Variants in SLC12A5 observed in about 807,000 individuals in gnomAD.
SLC12A5 encodes solute carrier family 12 member 5, also known as K-Cl cotransporter 2.
SLC12A5 carries 18 observed loss-of-function variants against 124.0 expected under a neutral mutation model. The ratio of observed to expected loss-of-function variants is 0.15; its 90% CI spans 0.10 to 0.22. SLC12A5 has a LOEUF of 0.22. Among genes scored for constraint, SLC12A5 ranks in the 10% least tolerant of loss-of-function variants. The pLI is 1.00. For synonymous variants in SLC12A5, 589 were observed against 568.0 expected, an observed-to-expected ratio of 1.04 and a Z score of -0.53; for missense variants, 867 against 1,478.7, an observed-to-expected ratio of 0.59 and a Z score of 6.78.
chr20:46,022,047 G>A, intron 1 of SLC12A5: 5 of 912,076 alleles, frequency 5.5e-6, no homozygotes, highest in Non-Finnish European at 7.6e-6. Flanking sequence ...GGAAACCAAG[G>A]GGCCGGGGCC....
At position 46,059,604 on chromosome 20, in the gene SLC12A5, C is replaced by G. The variant is rs1007277666; in HGVS notation, c.*1999C>G. ...GTTGCACTATCTGGGCCCAGATTGT[C>G]TGGTTGGCAAGAGCAAAGTTTCCGT... is the stretch of plus-strand genomic sequence containing the variant. On this transcript the variant is annotated 3_prime_UTR_variant, in exon 26 of 26. Coordinates refer to ENST00000243964, the MANE Select transcript of SLC12A5 (RefSeq NM_020708.5). The G allele has an allele frequency of 5.0e-6, 2 of 398,956 alleles. No homozygotes were observed. Among genetic ancestry groups the G allele is most frequent in the African/African-American group, 4.1e-5 (2 of 48,638 alleles). The allele number at this position is 398,956 out of a possible 1,614,324, so 24.7% of individuals were successfully genotyped here. A position where few individuals can be genotyped will look rare whatever the true frequency, so the allele number is the denominator to read the frequency against.
exon 1 of SLC12A5, chr20:46,021,881 T>G (rs759067394): frequency 6.6e-7 from 1 of 1,525,824 alleles, no homozygotes; most frequent in East Asian, 2.5e-5. Flanking sequence ...GGGGAAGACG[T>G]CAAAGGTAGA....
chr20:46,035,723 T>A (rs1449164295), intron 3 of SLC12A5, 54 bp from the exon 4 acceptor site: 1 of 1,575,714 alleles, frequency 6.3e-7, no homozygotes. Context: ...GGAGCACACC[T>A]GGGGTGTTCG....
rs1210104106 is a variant in SLC12A5, at chr20:46,043,655, C to A, written c.1260C>A (p.Arg420=). The change falls in exon 10 of 26, where the codon CGC becomes CGA. Residue 420 remains arginine (R), a synonymous_variant. Coordinates refer to ENST00000243964, the MANE Select transcript of SLC12A5 (RefSeq NM_020708.5). Reference sequence around the variant, plus strand: ...CAGGGATCATGGCTGGTTCTAACCGCTCTGGGGACCTGAGGGATGCCCAGA... The same window carrying A: ...CAGGGATCATGGCTGGTTCTAACCGATCTGGGGACCTGAGGGATGCCCAGA... ...SVTGIMAGSN[R]SGDLRDAQKS... 6.2e-7 allele frequency: 1 copy of A among 1,614,218 alleles called. No individual in the cohort carries two copies. Among genetic ancestry groups the A allele is most frequent in the Admixed American group, 1.7e-5 (1 of 60,028 alleles).
Position 46,037,338 on chromosome 20 carries a change from A to G in SLC12A5, c.565A>G (p.Thr189Ala). ...AVGLCFYLGTTFAGAMYILGT... is the reference protein window; with the variant it reads ...AVGLCFYLGTAFAGAMYILGT... ...GGGCCTCTGCTTCTACCTGGGCACT[A>G]CCTTTGCAGGAGCCATGTACATCCT... The change falls in exon 6 of 26, where the codon ACC becomes GCC. Residue 189 changes from threonine to alanine, a missense_variant. Thr to Ala is a moderately conservative substitution (Grantham distance 58). Coordinates refer to ENST00000243964, the MANE Select transcript of SLC12A5 (RefSeq NM_020708.5). 1.2e-6 allele frequency: 2 copies of G among 1,613,144 alleles called. No homozygotes were observed. Among genetic ancestry groups the G allele is most frequent in the Non-Finnish European group, 1.7e-6 (2 of 1,179,480 alleles).
In SLC12A5 at chr20:46,041,390, G is replaced by T; in HGVS notation, c.916G>T (p.Ala306Ser). ...TGGCTTTGATGTCTGTGCCAAGCTG[G>T]CTTGGGAAGGAAATGAGACGGTGAC... ...RHGFDVCAKL[A>S]WEGNETVTTR... The change falls in exon 8 of 26, where the codon GCT (alanine) becomes TCT (serine). Residue 306 changes from alanine to serine, a missense_variant. By Grantham distance (99) the Ala-to-Ser change is moderately conservative. Around this residue, in one of 9 missense-constraint regions of SLC12A5, gnomAD observed 127 missense variants for 164.1 expected, o/e 0.77. Transcript: ENST00000243964. 1.2e-6 allele frequency: 2 copies of T among 1,614,160 alleles called. No homozygotes were observed. Among genetic ancestry groups the T allele is most frequent in the Non-Finnish European group, 8.5e-7 (1 of 1,180,024 alleles).
intron 8 of SLC12A5, among the ~76,000 whole-genome samples, chr20:46,042,229 C>A (rs981374043): frequency 6.6e-6 from 1 of 152,110 alleles, no homozygotes; most frequent in African/African-American, 2.4e-5. Flanking sequence ...GAGTTGGGAC[C>A]ACATTCTGAA....
intron 1 of SLC12A5, among the ~76,000 whole-genome samples, chr20:46,032,749 C>T (rs780810189): frequency 1.1e-4 from 16 of 152,252 alleles, no homozygotes; most frequent in African/African-American, 3.4e-4. Context: ...ATCCTTTCAC[C>T]TCAGGTCCCC....
rs960242840 is a variant in SLC12A5 at position 46,057,129 on chromosome 20, C to A, written c.3126-41C>A. 6.2e-6 allele frequency: 10 copies of A among 1,611,748 alleles called. No individual in the cohort carries two copies. The highest frequency in any genetic ancestry group is 2.2e-5 in the South Asian group (2 of 90,988). On this transcript the variant is annotated intron_variant, in intron 24 of 25. Transcript: ENST00000243964. The surrounding 1 kb of genome is among the most constrained non-coding windows in gnomAD (Gnocchi z 7.1). ...GCGACTGGCTCCAATCTTCTCTACC[C>A]CCCCGGCTCACGCGGTCTCCACTCC... is the stretch of plus-strand genomic sequence containing the variant.
intron 1 of SLC12A5, among the ~76,000 whole-genome samples, chr20:46,029,781 C>T (rs77783095): frequency 0.029 from 4,422 of 152,178 alleles, 172 homozygotes; most frequent in Admixed American, 0.12. Flanking sequence ...AGAGCAGGCA[C>T]CCGTGGAGCC....
intron 5 of SLC12A5, 97 bp from the exon 6 acceptor site, chr20:46,037,158 G>A: frequency 6.7e-7 from 1 of 1,487,962 alleles, no homozygotes; most frequent in Non-Finnish European, 9.0e-7. Flanking sequence ...GTGAGGCCTG[G>A]AGCAACCCCC....
In SLC12A5 at chr20:46,054,978, G is replaced by C; in HGVS notation, c.2742G>C (p.Gln914His). ...CGTTGGTGATGGAGCAGCGTTCCCA[G>C]ATCCTCAAACAGATGCATTTAACCA... ...EKTLVMEQRS[Q>H]ILKQMHLTKN... The change falls in exon 21 of 26, where the codon CAG (glutamine) becomes CAC (histidine). Residue 914 changes from glutamine to histidine, a missense_variant. Transcript: ENST00000243964. 1 of 1,614,060 alleles carries C rather than the reference G, an allele frequency of 6.2e-7. No homozygotes were observed. The highest frequency in any genetic ancestry group is 8.5e-7 in the Non-Finnish European group (1 of 1,180,010).
In SLC12A5 at chr20:46,029,241, G is replaced by T. The variant is rs2084423186; in HGVS notation, c.-104G>T. On this transcript the variant is annotated 5_prime_UTR_variant, in exon 1 of 26. Transcript: ENST00000243964. ...CTGCAGCTTCTTCCTCCGTGGAGCG[G>T]AGAGCGAGACAGAGCTACAGCGAAC... The T allele has an allele frequency of 6.9e-7, 1 of 1,456,478 alleles. No homozygotes were observed. Among genetic ancestry groups the T allele is most frequent in the Non-Finnish European group, 9.1e-7 (1 of 1,103,270 alleles). The allele number at this position is 1,456,478 out of a possible 1,614,324, so 90.2% of individuals were successfully genotyped here.
At position 46,058,367 on chromosome 20, in the gene SLC12A5, C is replaced by T. The variant is rs940771368; in HGVS notation, c.*762C>T. The T allele has an allele frequency of 1.8e-5, 7 of 398,038 alleles. No homozygotes were observed. The highest frequency in any genetic ancestry group is 4.4e-5 in the Admixed American group (1 of 22,726). 24.7% of individuals were successfully genotyped at this position (398,038 alleles called of 1,614,324 possible). A position where few individuals can be genotyped will look rare whatever the true frequency, so the allele number is the denominator to read the frequency against. On this transcript the variant is annotated 3_prime_UTR_variant, in exon 26 of 26. Transcript: ENST00000243964. The surrounding 1 kb of genome is among the most constrained non-coding windows in gnomAD (Gnocchi z 5.8). ...CTCTCGCCTCTTCGCCCTTTCCGCG[C>T]GCCCTTGGCTTCCCACCCTCCTCTC...
At chr20:46,034,634 C>G (rs1178087221) in intron 1 of SLC12A5, among the ~76,000 whole-genome samples, 7 of 152,148 alleles carry the variant, frequency 4.6e-5, no homozygotes, top group African/African-American at 1.7e-4. Context: ...GCCTCCACCC[C>G]AAACACCGGT....
In SLC12A5 at chr20:46,051,856, G is replaced by T; in HGVS notation, c.2363G>T (p.Trp788Leu). 1.3e-6 allele frequency: 2 copies of T among 1,571,828 alleles called. No homozygotes were observed. The change falls in exon 18 of 26, where the codon TGG becomes TTG. Residue 788 changes from tryptophan to leucine, a missense_variant. This residue lies in a region of SLC12A5 where 110 missense variants were observed against 149.9 expected (regional missense o/e 0.73). Transcript: ENST00000243964. ...NWRQKEDHQT[W>L]RNFIELVRET... ...CGCCAGAAGGAAGATCATCAGACGT[G>T]GAGGAACTTCATTGGTAACGCTATT... is the stretch of plus-strand genomic sequence containing the variant.
At position 46,057,519 on chromosome 20, in the gene SLC12A5, G is replaced by C. The variant is rs766339265; in HGVS notation, c.3265G>C (p.Glu1089Gln). ...RNRNGDENYM[E>Q]FLEVLTEHLD... The stretch of plus-strand genomic sequence containing the variant: ...TCTCCTTGACCGGCTCTCAGACATG[G>C]AGTTTCTCGAGGTCCTCACAGAGCA... Residue 1089 changes from glutamate to glutamine, a missense_variant, in exon 26 of 26, where the codon GAG becomes CAG. This residue lies in a region of SLC12A5 where 180 missense variants were observed against 243.6 expected (regional missense o/e 0.74). Coordinates refer to ENST00000243964, the MANE Select transcript of SLC12A5 (RefSeq NM_020708.5). This position sits in a 1 kb window ranked among gnomAD's most constrained non-coding sequence, Gnocchi z 7.1. 6.2e-7 allele frequency: 1 copy of C among 1,614,118 alleles called. No individual in the cohort carries two copies. The highest frequency in any genetic ancestry group is 8.5e-7 in the Non-Finnish European group (1 of 1,180,002).
Position 46,029,369 on chromosome 20 carries a change from G to A in SLC12A5, c.25G>A (p.Glu9Lys). Residue 9 changes from glutamate (E) to lysine (K), a missense_variant, in exon 1 of 26, where the codon GAG becomes AAG. Physicochemically the swap from Glu to Lys is moderately conservative, Grantham distance 56. This residue lies in a region of SLC12A5 where 58 missense variants were observed against 52.2 expected (regional missense o/e 1.11). Coordinates refer to ENST00000243964, the MANE Select transcript of SLC12A5 (RefSeq NM_020708.5). MLNNLTDCEDGDGGANPGD... is the reference protein window; with the variant it reads MLNNLTDCKDGDGGANPGD... ...CATGCTAAACAACCTGACGGACTGCGAGGACGGCGATGGGGGAGCCAACCC... is the reference window on the plus strand; with the variant it reads ...CATGCTAAACAACCTGACGGACTGCAAGGACGGCGATGGGGGAGCCAACCC... The A allele has an allele frequency of 6.5e-7, 1 of 1,549,640 alleles. No individual in the cohort carries two copies. Among genetic ancestry groups the A allele is most frequent in the Non-Finnish European group, 8.7e-7 (1 of 1,146,514 alleles).
At chr20:46,051,346 C>T (rs1487101891) in intron 17 of SLC12A5, among the ~76,000 whole-genome samples, 2 of 152,068 alleles carry the variant, frequency 1.3e-5, no homozygotes, top group Non-Finnish European at 2.9e-5. Flanking sequence ...TTGAGCTGGG[C>T]CAGACAGGGT....
Sources: allele counts gnomAD v4.1 joint callset (sites outside exome capture counted in the v4.1 genomes callset), GRCh38; gene constraint gnomAD v4.1.1; regional missense constraint gnomAD v4.1.1; non-coding constraint Gnocchi (gnomAD v3.1); transcripts MANE v1.5; gene names NCBI Gene and HGNC (gene_info 2026-07-23, HGNC 2026-07-21).